ZNF182: variants seen among roughly 807,000 people sequenced by gnomAD.
ZNF182 encodes the protein zinc finger protein 182, also known as zinc finger protein 21 (KOX 14).
Under a neutral mutation model 28.1 loss-of-function variants are expected in ZNF182, and 10 were observed. The ratio of observed to expected loss-of-function variants is 0.36; its 90% CI spans 0.22 to 0.60. ZNF182 has a LOEUF of 0.60. Among genes scored for constraint, ZNF182 ranks in the 20% least tolerant of loss-of-function variants. The pLI, the probability that ZNF182 is intolerant of heterozygous loss-of-function variation, is 0.75. For synonymous variants in ZNF182, 156 were observed against 158.7 expected, an observed-to-expected ratio of 0.98 and a Z score of 0.13; for missense variants, 352 against 453.2, an observed-to-expected ratio of 0.78 and a Z score of 2.03.
chrX:47,988,522 A>G, intron 3 of ZNF182: 1 of 499,797 alleles, frequency 2.0e-6, no homozygotes, highest in Non-Finnish European at 3.7e-6. Flanking sequence ...CATGTGACAT[A>G]CCTGTTCCCT....
chrX:47,992,832 G>A (rs1475227463), intron 3 of ZNF182, among the ~76,000 whole-genome samples: 1 of 112,117 alleles, frequency 8.9e-6, no homozygotes, highest in African/African-American at 3.2e-5. Flanking sequence ...TATCTTGGTA[G>A]GAATAAGCTT....
chrX:47,985,216 G>A (rs2058919648), intron 3 of ZNF182, among the ~76,000 whole-genome samples: 1 of 111,663 alleles, frequency 9.0e-6, no homozygotes, highest in African/African-American at 3.3e-5. Context: ...TAACAACCTG[G>A]AATCCTCCAT....
intron 3 of ZNF182, among the ~76,000 whole-genome samples, chrX:48,001,031 A>T (rs2058976859): frequency 8.9e-6 from 1 of 112,579 alleles, no homozygotes. Context: ...TACATAAAAA[A>T]TACTGACAAT....
At position 47,975,929 on chromosome X, in the gene ZNF182, T is replaced by C. The variant is rs782003061; in HGVS notation, c.*238A>G. On this transcript the variant is annotated 3_prime_UTR_variant, in exon 6 of 6. Transcript: ENST00000376943. Reference sequence around the variant, plus strand: ...GAAATCTCCTGCACCAGTGCTTCATTTCCTCTGCCTGTGGCAGCCCTCTCA... The same window carrying C: ...GAAATCTCCTGCACCAGTGCTTCATCTCCTCTGCCTGTGGCAGCCCTCTCA... 1 of 308,080 alleles carries C rather than the reference T, an allele frequency of 3.2e-6. No individual in the cohort carries two copies. Among genetic ancestry groups the C allele is most frequent in the Non-Finnish European group, 5.6e-6 (1 of 179,055 alleles). 25.4% of individuals were successfully genotyped at this position (308,080 alleles called of 1,213,427 possible).
Position 47,976,392 on chromosome X carries a change from C to T in ZNF182, c.1638G>A (p.Thr546=), listed in dbSNP as rs782551837. The change falls in exon 6 of 6, where the codon ACG becomes ACA. Residue 546 remains threonine, a synonymous_variant. Transcript: ENST00000376943. ...CAGTGCATGCATAGGGTTTCTCTCC[C>T]GTGTGCGTTCTCTGATGTATTATGA... ...SQLIIHQRTH[T]GEKPYACTEC... 1.2e-5 allele frequency: 15 copies of T among 1,208,206 alleles called. No individual in the cohort carries two copies. The highest frequency in any genetic ancestry group is 2.3e-4 in the Middle Eastern group (1 of 4,342).
chrX:48,003,301 C>G (rs2058985261), intron 2 of ZNF182, among the ~76,000 whole-genome samples: 1 of 112,609 alleles, frequency 8.9e-6, no homozygotes, highest in African/African-American at 3.2e-5. Context: ...TGTTGATTTT[C>G]TTTTTCTCTA....
Position 47,983,009 on chromosome X carries a change from G to A in ZNF182, c.172C>T (p.Leu58Phe). ...GQQVTKPNLI[L>F]KLEVEECPAE... Reference sequence around the variant, plus strand: ...GGGCATTCTTCTACCTCCAACTTGAGGATGAGGTTTGGTTTGGTAACCTGC... The same window carrying A: ...GGGCATTCTTCTACCTCCAACTTGAAGATGAGGTTTGGTTTGGTAACCTGC... Residue 58 changes from leucine to phenylalanine, a missense_variant, in exon 5 of 6, where the codon CTC becomes TTC. Physicochemically the swap from Leu to Phe is conservative, Grantham distance 22. Coordinates refer to ENST00000376943, the MANE Select transcript of ZNF182 (RefSeq NM_001007088.2). 1 of 1,211,544 alleles carries A rather than the reference G, an allele frequency of 8.3e-7. No homozygotes were observed. The highest frequency in any genetic ancestry group is 1.1e-6 in the Non-Finnish European group (1 of 895,423).
intron 3 of ZNF182, among the ~76,000 whole-genome samples, chrX:47,998,328 T>A (rs1556901402): frequency 9.0e-6 from 1 of 111,119 alleles, no homozygotes; most frequent in African/African-American, 3.3e-5. Flanking sequence ...GAAACCCAAA[T>A]TTAACAAGTG....
chrX:47,987,633 G>A (rs1556899942), intron 3 of ZNF182, among the ~76,000 whole-genome samples: 2 of 112,276 alleles, frequency 1.8e-5, no homozygotes, highest in Non-Finnish European at 3.8e-5. Flanking sequence ...TTCCCAGGAT[G>A]CTGTATGAAC....
In ZNF182 at chrX:47,977,805, G is replaced by T; in HGVS notation, c.233-8C>A. 8.7e-7 allele frequency: 1 copy of T among 1,155,185 alleles called. No homozygotes were observed. The highest frequency in any genetic ancestry group is 1.2e-6 in the Non-Finnish European group (1 of 867,156). On this transcript the variant is annotated splice_polypyrimidine_tract_variant and splice_region_variant and intron_variant, in intron 5 of 5. Transcript: ENST00000376943. ...CATCAACTTGACAGACTTCTAGAAA[G>T]AAGTACAATAAACCACCTTTATGCT...
chrX:48,002,659 A>C lies in ZNF182; in HGVS notation c.-44-6T>G, dbSNP rs2058982420. ...AGAGATGTGTGACGGCCGAGCTGGA[A>C]CAAGTGGAGAAGAGTACAGCAGATG... On this transcript the variant is annotated splice_region_variant and splice_polypyrimidine_tract_variant and intron_variant, in intron 2 of 5. Transcript: ENST00000376943. The C allele has an allele frequency of 8.3e-7, 1 of 1,202,009 alleles. No individual in the cohort carries two copies.
At chrX:47,982,463 T>C (rs1556899235) in intron 5 of ZNF182, among the ~76,000 whole-genome samples, 1 of 112,316 alleles carries the variant, frequency 8.9e-6, no homozygotes, top group Non-Finnish European at 1.9e-5. Flanking sequence ...AATTTTATGA[T>C]ATGTGAATTA....
At position 47,988,498 on chromosome X, in the gene ZNF182, G is replaced by GCT. The variant is rs200924092; in HGVS notation, c.16-5089_16-5088dup. On this transcript the variant is annotated intron_variant, in intron 3 of 5. Transcript: ENST00000376943. ...TCTGGTGCCTCCCTCCCCCACTCTT[G>GCT]CTCCCACTCTTGCCATGTGACATAC... The GCT allele has an allele frequency of 1.7e-3, 792 of 473,448 alleles. 4 individuals are homozygous for GCT. The African/African-American group carries it at 0.018, about 11-fold the overall frequency. 39.0% of individuals were successfully genotyped at this position (473,448 alleles called of 1,213,427 possible).
chrX:47,976,897 G>A lies in ZNF182; in HGVS notation c.1133C>T (p.Thr378Met), dbSNP rs782719105. The A allele has an allele frequency of 1.2e-5, 15 of 1,209,651 alleles. 1 individual carries two copies. The highest frequency in any genetic ancestry group is 1.8e-5 in the South Asian group (1 of 56,376). The change falls in exon 6 of 6, where the codon ACG (threonine) becomes ATG (methionine). Residue 378 changes from threonine to methionine, a missense_variant. Thr to Met is a moderately conservative substitution (Grantham distance 81). Transcript: ENST00000376943. ...AGTACATTTATGAGGTTTCTCTCCC[G>A]TATGAGTTCTCTGGTGTATAATGAG... ...STLIIHQRTHTGEKPHKCTEC... is the reference protein window; with the variant it reads ...STLIIHQRTHMGEKPHKCTEC...
intron 5 of ZNF182, among the ~76,000 whole-genome samples, chrX:47,981,050 A>G (rs2058903831): frequency 8.9e-6 from 1 of 111,988 alleles, no homozygotes; most frequent in South Asian, 3.7e-4. Context: ...AAAAACCTTT[A>G]AGCGCAAAAT....
intron 3 of ZNF182, among the ~76,000 whole-genome samples, chrX:47,998,993 G>A (rs782305718): frequency 5.0e-4 from 56 of 112,312 alleles, no homozygotes; most frequent in African/African-American, 1.8e-3. Context: ...CAACAGTCAA[G>A]TTATGGAATC....
At position 47,996,879 on chromosome X, in the gene ZNF182, C is replaced by T. The variant is rs781983242; in HGVS notation, c.15+5716G>A. 8.1e-5 allele frequency among the ~76,000 whole-genome samples: 9 copies of T among 111,774 alleles called. No individual in the cohort carries two copies. The South Asian group carries it at 2.2e-3, about 28-fold the overall frequency. ...CCATCTGCAAGCCAGAAAGAGTGCCCGAGGCTAAAACCAAATCAGTCAGTA... is the reference window on the plus strand; with the variant it reads ...CCATCTGCAAGCCAGAAAGAGTGCCTGAGGCTAAAACCAAATCAGTCAGTA... On this transcript the variant is annotated intron_variant, in intron 3 of 5. Coordinates refer to ENST00000376943, the MANE Select transcript of ZNF182 (RefSeq NM_001007088.2).
chrX:48,001,529 T>C (rs1381606230), intron 3 of ZNF182, among the ~76,000 whole-genome samples: 1 of 111,561 alleles, frequency 9.0e-6, no homozygotes, highest in East Asian at 2.8e-4. Context: ...GCCAAGAGTT[T>C]AGGAATGGGT....
chrX:47,986,788 G>C (rs1293301605), intron 3 of ZNF182, among the ~76,000 whole-genome samples: 5 of 111,866 alleles, frequency 4.5e-5, no homozygotes, highest in African/African-American at 1.6e-4. Context: ...GGCAGAAGAA[G>C]GTAGGAGGAG....
Sources: gnomAD v4.1 joint callset for allele counts (sites outside exome capture counted in the v4.1 genomes callset) on GRCh38, gnomAD v4.1.1 for gene constraint, MANE v1.5 for transcripts, NCBI Gene and HGNC (gene_info 2026-07-23, HGNC 2026-07-21) for gene names.